TENM2: variants seen among roughly 807,000 people sequenced by gnomAD.
TENM2 encodes teneurin-2.
Under a neutral mutation model 245.2 loss-of-function variants are expected in TENM2, and 52 were observed. The ratio of observed to expected loss-of-function variants is 0.21; its 90% CI spans 0.17 to 0.27. The LOEUF (loss-of-function observed/expected upper bound fraction) is 0.27, where lower values mean the gene tolerates loss of function less well. Among genes scored for constraint, TENM2 ranks in the 10% least tolerant of loss-of-function variants. The pLI is 1.00. For synonymous variants in TENM2, 1,363 were observed against 1,438.9 expected (o/e 0.95, Z 1.19); for missense variants, 3,046 against 3,666.8 (o/e 0.83, Z 4.37).
chr5:167,431,957 A>ATGTG lies in TENM2; in HGVS notation c.502+56485_502+56486insGTGT, dbSNP rs1301403960. On this transcript the variant is annotated intron_variant, in intron 2 of 28. Transcript: ENST00000518659. Reference sequence around the variant, plus strand: ...TATATATACATATATATGTATATATATATGTATATATATATATATATGGAA... The same window carrying ATGTG: ...TATATATACATATATATGTATATATATGTGTATGTATATATATATATATATGGAA... 1.1e-3 allele frequency among the ~76,000 whole-genome samples: 58 copies of ATGTG among 55,010 alleles called. 1 individual carries two copies. The highest frequency in any genetic ancestry group is 2.5e-3 in the African/African-American group (50 of 19,650). The allele number at this position is 55,010 out of a possible 152,430, so 36.1% of individuals were successfully genotyped here. A position where few individuals can be genotyped will look rare whatever the true frequency, so the allele number is the denominator to read the frequency against.
At chr5:167,620,389 G>A (rs1372153788) in intron 2 of TENM2, among the ~76,000 whole-genome samples, 1 of 152,034 alleles carries the variant, frequency 6.6e-6, no homozygotes, top group Non-Finnish European at 1.5e-5. Flanking sequence ...TTACTGAAAA[G>A]CATTTTAAAA....
chr5:167,666,106 C>A (rs1418625990), intron 2 of TENM2, among the ~76,000 whole-genome samples: 3 of 152,158 alleles, frequency 2.0e-5, no homozygotes, highest in Non-Finnish European at 4.4e-5. Flanking sequence ...TTTCCTTTTG[C>A]TGGGTACAGG....
intron 2 of TENM2, among the ~76,000 whole-genome samples, chr5:167,582,802 T>C (rs1429144367): frequency 6.6e-6 from 1 of 152,198 alleles, no homozygotes; most frequent in Non-Finnish European, 1.5e-5. Context: ...GTAATTTGTT[T>C]TTAAACACTT....
intron 24 of TENM2, 57 bp downstream of exon 26, chr5:168,226,320 G>A (rs1256895331): frequency 4.6e-6 from 7 of 1,532,756 alleles, no homozygotes; most frequent in Non-Finnish European, 6.2e-6. Context: ...CCAGAACCCA[G>A]CCAAGCCCAA....
At chr5:167,963,884 A>G (rs972530280) in intron 4 of TENM2, among the ~76,000 whole-genome samples, 1 of 152,244 alleles carries the variant, frequency 6.6e-6, no homozygotes, top group Non-Finnish European at 1.5e-5. Context: ...AAACAAGCAT[A>G]TAAGGGAAGT....
chr5:167,784,814 A>T (rs1764452786), intron 2 of TENM2, among the ~76,000 whole-genome samples: 1 of 152,240 alleles, frequency 6.6e-6, no homozygotes, highest in Admixed American at 6.5e-5. Context: ...ATCTCATCAG[A>T]ACCTCACACA....
At chr5:168,113,154 C>T (rs1036192) in intron 9 of TENM2, among the ~76,000 whole-genome samples, 4 of 151,828 alleles carry the variant, frequency 2.6e-5, no homozygotes, top group Non-Finnish European at 5.9e-5. Flanking sequence ...CCGTCTCTAC[C>T]GAATTTTTTT....
intron 2 of TENM2, among the ~76,000 whole-genome samples, chr5:167,585,100 G>C (rs570208148): frequency 2.9e-4 from 44 of 152,170 alleles, no homozygotes; most frequent in Non-Finnish European, 5.0e-4. Flanking sequence ...TAACCTCTGT[G>C]TTTGTTCCCA....
At chr5:167,689,356 A>G (rs1297409279) in intron 2 of TENM2, among the ~76,000 whole-genome samples, 2 of 152,164 alleles carry the variant, frequency 1.3e-5, no homozygotes, top group Non-Finnish European at 2.9e-5. Flanking sequence ...ATGGGCATGA[A>G]TTAGTTTCTT....
chr5:167,816,558 C>G (rs1006006377), intron 2 of TENM2, among the ~76,000 whole-genome samples: 2 of 152,166 alleles, frequency 1.3e-5, no homozygotes, highest in African/African-American at 4.8e-5. Flanking sequence ...GGCAGTTCCT[C>G]GGGTTGCTGT....
At chr5:167,307,859 C>G (rs543214874) in intron 1 of TENM2, 3 of 152,260 alleles carry the variant, frequency 2.0e-5, no homozygotes, top group Non-Finnish European at 4.4e-5. Flanking sequence ...GTCCTTGGCT[C>G]TCTTTGCTGT....
intron 1 of TENM2, among the ~76,000 whole-genome samples, chr5:167,362,226 C>A (rs1038624939): frequency 6.6e-6 from 1 of 152,198 alleles, no homozygotes; most frequent in Admixed American, 6.5e-5. Flanking sequence ...GATGCTAACA[C>A]GCACTAGGAA....
the TENM2 span, among the ~76,000 whole-genome samples, chr5:167,142,823 T>G: frequency 6.6e-6 from 1 of 152,330 alleles, no homozygotes; most frequent in South Asian, 2.1e-4. Context: ...GTGCTGAGAT[T>G]ACAGGCATGA....
At chr5:168,100,459 C>T (rs543892135) in intron 9 of TENM2, among the ~76,000 whole-genome samples, 30 of 152,200 alleles carry the variant, frequency 2.0e-4, no homozygotes, top group African/African-American at 7.2e-4. Context: ...GCACTATTCA[C>T]AATAGCAAAG....
intron 2 of TENM2, among the ~76,000 whole-genome samples, chr5:167,752,756 A>G (rs1762043989): frequency 1.3e-5 from 2 of 152,210 alleles, no homozygotes; most frequent in South Asian, 2.1e-4. Context: ...TTGGAAAAAT[A>G]AAGTGGTTAG....
chr5:166,997,135 A>G, the TENM2 span, among the ~76,000 whole-genome samples: 1 of 152,230 alleles, frequency 6.6e-6, no homozygotes, highest in Admixed American at 6.5e-5. Context: ...GGCTGGGATT[A>G]GAAAAATGAA....
intron 2 of TENM2, among the ~76,000 whole-genome samples, chr5:167,414,517 G>T (rs188924906): frequency 1.7e-3 from 253 of 152,154 alleles, no homozygotes; most frequent in Middle Eastern, 3.4e-3. Context: ...CTCGGCAAGT[G>T]ATTTAGGGTG....
At chr5:167,972,533 A>G (rs1781866219) in intron 4 of TENM2, among the ~76,000 whole-genome samples, 1 of 152,190 alleles carries the variant, frequency 6.6e-6, no homozygotes, top group Non-Finnish European at 1.5e-5. Flanking sequence ...TCTTGTGTAT[A>G]TATCTTTCTT....
the TENM2 span, among the ~76,000 whole-genome samples, chr5:167,244,063 G>T: frequency 2.0e-5 from 3 of 152,088 alleles, no homozygotes; most frequent in South Asian, 6.2e-4. Context: ...TCATTACTGT[G>T]ATTTTAATCT....
Sources: allele counts gnomAD v4.1 joint callset (sites outside exome capture counted in the v4.1 genomes callset), GRCh38; gene constraint gnomAD v4.1.1; transcripts MANE v1.5; gene names NCBI Gene and HGNC (gene_info 2026-07-23, HGNC 2026-07-21).